The following HBS1L variants were observed in gnomAD, a reference collection of about 807,000 sequenced individuals.
HBS1L encodes the protein HBS1 like translational GTPase, also known as HBS1-like protein.
HBS1L carries 55 observed loss-of-function variants against 88.9 expected under a neutral mutation model. The observed-to-expected ratio is 0.62, with a 90% CI of 0.50 to 0.77. The LOEUF (loss-of-function observed/expected upper bound fraction) is 0.77, where lower values mean the gene tolerates loss of function less well. Among genes scored for constraint, HBS1L ranks in the 30% least tolerant of loss-of-function variants. HBS1L has a pLI of 0.00. For synonymous variants in HBS1L, 267 were observed against 288.5 expected, an observed-to-expected ratio of 0.93 and a Z score of 0.76; for missense variants, 741 against 829.3, an observed-to-expected ratio of 0.89 and a Z score of 1.31.
At chr6:134,990,283 T>C (rs564225995) in intron 8 of HBS1L, among the ~76,000 whole-genome samples, 68 of 152,338 alleles carry the variant, frequency 4.5e-4, no homozygotes, top group African/African-American at 1.5e-3. Flanking sequence ...AAGCCTCTGA[T>C]GATCAAGCAG....
intron 4 of HBS1L, among the ~76,000 whole-genome samples, chr6:135,009,636 A>T (rs1015375499): frequency 6.6e-6 from 1 of 152,000 alleles, no homozygotes; most frequent in Admixed American, 6.6e-5. Context: ...GTAGTATTAC[A>T]TATTCTTTTT....
rs543247306 is a variant in HBS1L at position 134,961,809 on chromosome 6, T to A, written c.*3470A>T. On this transcript the variant is annotated 3_prime_UTR_variant, in exon 18 of 18. Transcript: ENST00000367837. ...GAAGCACCCATAGACCCCAGTGGTG[T>A]GCAGTCTCTCTTGCTGCAGCAAGCA... 1 of 152,260 alleles carries A rather than the reference T, an allele frequency of 6.6e-6. No individual in the cohort carries two copies. Among genetic ancestry groups the A allele is most frequent in the African/African-American group, 2.4e-5 (1 of 41,560 alleles). The allele number at this position is 152,260 out of a possible 1,614,324, so 9.4% of individuals were successfully genotyped here.
intron 5 of HBS1L, 147 bp from the exon 6 acceptor site, chr6:134,997,803 T>C (rs1428460802): frequency 1.3e-6 from 1 of 742,132 alleles, no homozygotes; most frequent in Non-Finnish European, 2.2e-6. Flanking sequence ...TCTGTTAAGG[T>C]GGAAATGATA....
In HBS1L at chr6:134,973,269, G is replaced by A. The variant is rs118023853; in HGVS notation, c.1798-3931C>T. On this transcript the variant is annotated intron_variant, in intron 15 of 17. Transcript: ENST00000367837. Reference sequence around the variant, plus strand: ...ATGGAATGTTATTCAGGCTTAAAAGGGGATGAAATTCTGATGCATATTACA... The same window carrying A: ...ATGGAATGTTATTCAGGCTTAAAAGAGGATGAAATTCTGATGCATATTACA... 2.4e-3 allele frequency among the ~76,000 whole-genome samples: 362 copies of A among 152,310 alleles called. 18 individuals are homozygous for A. The East Asian group carries it at 0.058, about 24-fold the overall frequency.
At chr6:135,009,665 G>A (rs548614496) in intron 4 of HBS1L, among the ~76,000 whole-genome samples, 3 of 151,910 alleles carry the variant, frequency 2.0e-5, no homozygotes, top group Admixed American at 6.6e-5. Context: ...ACGGAGTCTC[G>A]CTCTGTTGCC....
intron 4 of HBS1L, chr6:135,036,835 G>A (rs764249537): frequency 8.4e-6 from 13 of 1,551,684 alleles, no homozygotes; most frequent in African/African-American, 1.4e-5. Flanking sequence ...CCTAGTCAGA[G>A]AGCCTTTGTT....
At chr6:134,981,452 C>T (rs1406038360) in intron 13 of HBS1L, among the ~76,000 whole-genome samples, 1 of 151,816 alleles carries the variant, frequency 6.6e-6, no homozygotes, top group Non-Finnish European at 1.5e-5. Flanking sequence ...ATAGGTTAAA[C>T]CATGTAACTT....
At position 134,978,745 on chromosome 6, in the gene HBS1L, A is replaced by C. The variant is rs1241393032; in HGVS notation, c.1731T>G (p.Ala577=). 1 of 1,609,880 alleles carries C rather than the reference A, an allele frequency of 6.2e-7. No individual in the cohort carries two copies. The highest frequency in any genetic ancestry group is 1.7e-5 in the Admixed American group (1 of 59,388). Reference sequence around the variant, plus strand: ...GGATTCGGGCTCTGAAACGAGTGCAAGCTTTAATGGGTACTTTGGGGCCAC... The same window carrying C: ...GGATTCGGGCTCTGAAACGAGTGCACGCTTTAATGGGTACTTTGGGGCCAC... ...IFCGPKVPIK[A]CTRFRARILI... is the part of the protein sequence containing the mutation. Residue 577 remains alanine, a synonymous_variant, in exon 15 of 18, where the codon GCT becomes GCG. Coordinates refer to ENST00000367837, the MANE Select transcript of HBS1L (RefSeq NM_006620.4).
intron 2 of HBS1L, among the ~76,000 whole-genome samples, chr6:135,047,399 A>T (rs1776946284): frequency 6.6e-6 from 1 of 151,916 alleles, no homozygotes; most frequent in Non-Finnish European, 1.5e-5. Flanking sequence ...GCAGACCTCA[A>T]CTCCTGTAAA....
At chr6:135,025,039 T>C (rs1269500453) in intron 4 of HBS1L, among the ~76,000 whole-genome samples, 1 of 152,168 alleles carries the variant, frequency 6.6e-6, no homozygotes, top group African/African-American at 2.4e-5. Flanking sequence ...CAGATCACTC[T>C]AGTTTCACAG....
chr6:134,997,904 G>T (rs575965830), intron 5 of HBS1L, among the ~76,000 whole-genome samples: 3 of 152,172 alleles, frequency 2.0e-5, no homozygotes, highest in African/African-American at 7.2e-5. Flanking sequence ...AAATAATGTT[G>T]AAAAATAACT....
At chr6:135,001,204 G>C (rs771556973) in intron 5 of HBS1L, among the ~76,000 whole-genome samples, 1 of 152,150 alleles carries the variant, frequency 6.6e-6, no homozygotes, top group Non-Finnish European at 1.5e-5. Flanking sequence ...GGAATACAGT[G>C]ATGAACATTA....
intron 7 of HBS1L, among the ~76,000 whole-genome samples, chr6:134,994,676 G>A (rs1775242068): frequency 6.6e-6 from 1 of 152,068 alleles, no homozygotes; most frequent in African/African-American, 2.4e-5. Flanking sequence ...TGTGTGACCT[G>A]TCACATGAGA....
chr6:135,050,137 A>T (rs1777034791), intron 2 of HBS1L, among the ~76,000 whole-genome samples: 1 of 152,246 alleles, frequency 6.6e-6, no homozygotes, highest in African/African-American at 2.4e-5. Flanking sequence ...AGAAGTCTGA[A>T]CTACATATAT....
chr6:135,002,325 A>G (rs1775484663), intron 5 of HBS1L, among the ~76,000 whole-genome samples: 2 of 152,174 alleles, frequency 1.3e-5, no homozygotes, highest in African/African-American at 4.8e-5. Context: ...TGAAAATCCA[A>G]AAGAGTTTAA....
chr6:135,004,440 C>T (rs1354020798), intron 4 of HBS1L, among the ~76,000 whole-genome samples: 1 of 151,888 alleles, frequency 6.6e-6, no homozygotes, highest in Non-Finnish European at 1.5e-5. Flanking sequence ...AAAGAAAGAG[C>T]ATTCCAAGCA....
intron 4 of HBS1L, chr6:135,037,577 G>A (rs1776595994): frequency 6.5e-7 from 1 of 1,548,984 alleles, no homozygotes; most frequent in African/African-American, 1.4e-5. Flanking sequence ...GAATTATTCG[G>A]TGTTGTGCCC....
intron 15 of HBS1L, among the ~76,000 whole-genome samples, chr6:134,972,959 A>C (rs1774532679): frequency 6.6e-6 from 1 of 152,214 alleles, no homozygotes. Context: ...TTGACAAGAA[A>C]GTAGAGAAAA....
chr6:134,975,652 T>TGG (rs1238721636), intron 15 of HBS1L, among the ~76,000 whole-genome samples: 1 of 152,016 alleles, frequency 6.6e-6, no homozygotes, highest in Non-Finnish European at 1.5e-5. Flanking sequence ...AAACATAAAT[T>TGG]GGGGAAAGGA....
Sources: allele counts gnomAD v4.1 joint callset (sites outside exome capture counted in the v4.1 genomes callset), GRCh38; gene constraint gnomAD v4.1.1; transcripts MANE v1.5; gene names NCBI Gene and HGNC (gene_info 2026-07-23, HGNC 2026-07-21).